Variants in CDC123 observed in about 807,000 individuals in gnomAD.
The protein encoded by CDC123 is cell division cycle 123, also known as translation initiation factor eIF2 assembly protein.
In CDC123, 37 loss-of-function variants were observed where a neutral mutation model predicts 54.4. That is an observed-to-expected ratio of 0.68 (90% CI 0.52 to 0.89). The LOEUF is 0.89. Among genes scored for constraint, CDC123 ranks in the 40% least tolerant of loss-of-function variants. CDC123 has a pLI of 0.00. For missense variants in CDC123, 361 were observed against 412.1 expected, an observed-to-expected ratio of 0.88 and a Z score of 1.07; for synonymous variants, 144 against 136.8, an observed-to-expected ratio of 1.05 and a Z score of -0.37.
intron 10 of CDC123, among the ~76,000 whole-genome samples, chr10:12,244,532 G>C (rs2131769593): frequency 6.6e-6 from 1 of 151,902 alleles, no homozygotes; most frequent in South Asian, 2.1e-4. Context: ...AGTGCCCCCA[G>C]CTCAAAGGTG....
intron 8 of CDC123, among the ~76,000 whole-genome samples, chr10:12,236,612 AG>A (rs1564257207): frequency 6.6e-6 from 1 of 150,742 alleles, no homozygotes; most frequent in African/African-American, 2.4e-5. Context: ...AAAAAAAAAA[AG>A]GCCAGGTGCG....
At chr10:12,219,927 A>T (rs542236474) in intron 6 of CDC123, among the ~76,000 whole-genome samples, 41 of 152,226 alleles carry the variant, frequency 2.7e-4, no homozygotes, top group African/African-American at 9.6e-4. Context: ...TCACCTCGTG[A>T]TCCGCCTGCC....
chr10:12,198,222 A>G (rs1485398641), intron 1 of CDC123, among the ~76,000 whole-genome samples: 4 of 152,218 alleles, frequency 2.6e-5, no homozygotes, highest in Non-Finnish European at 4.4e-5. Flanking sequence ...AGACACATCC[A>G]AAAGTATCAT....
At chr10:12,247,338 C>A (rs1836160737) in intron 11 of CDC123, 1 of 41,184 alleles carries the variant, frequency 2.4e-5, no homozygotes. Flanking sequence ...CTGTGTCCTC[C>A]TCTCTCACCT....
At chr10:12,248,766 A>G (rs1836194752) in intron 11 of CDC123, among the ~76,000 whole-genome samples, 1 of 151,168 alleles carries the variant, frequency 6.6e-6, no homozygotes, top group South Asian at 2.1e-4. Context: ...AGATTGCTCC[A>G]TTGCATCCAG....
At chr10:12,235,981 G>A (rs960115405) in intron 8 of CDC123, among the ~76,000 whole-genome samples, 5 of 152,198 alleles carry the variant, frequency 3.3e-5, no homozygotes, top group African/African-American at 1.2e-4. Flanking sequence ...TTGGAATCTT[G>A]TCAGCAAGTC....
chr10:12,203,493 T>G (rs780007719), intron 2 of CDC123, among the ~76,000 whole-genome samples: 1 of 152,170 alleles, frequency 6.6e-6, no homozygotes, highest in Non-Finnish European at 1.5e-5. Flanking sequence ...TGGAGTGATA[T>G]GTAGAGGATT....
intron 11 of CDC123, among the ~76,000 whole-genome samples, chr10:12,248,420 A>C (rs1274395867): frequency 6.7e-6 from 1 of 150,262 alleles, no homozygotes; most frequent in Non-Finnish European, 1.5e-5. Flanking sequence ...GAGGCAGGAG[A>C]ATTGCTTGAA....
At chr10:12,229,230 C>G (rs961066843) in intron 6 of CDC123, among the ~76,000 whole-genome samples, 4 of 152,122 alleles carry the variant, frequency 2.6e-5, no homozygotes, top group Non-Finnish European at 5.9e-5. Context: ...TTTTTTAAAC[C>G]CCTGGTACCT....
At chr10:12,242,725 T>C (rs1446964812) in intron 10 of CDC123, among the ~76,000 whole-genome samples, 2 of 152,112 alleles carry the variant, frequency 1.3e-5, no homozygotes, top group Non-Finnish European at 2.9e-5. Flanking sequence ...GCAGGTCACC[T>C]GAGATCAGGA....
At chr10:12,227,454 A>G (rs1181465040) in intron 6 of CDC123, among the ~76,000 whole-genome samples, 1 of 150,298 alleles carries the variant, frequency 6.7e-6, no homozygotes, top group Non-Finnish European at 1.5e-5. Context: ...TAAAATATTC[A>G]TTTGGCTCTA....
intron 6 of CDC123, among the ~76,000 whole-genome samples, chr10:12,230,298 T>C (rs1335094055): frequency 6.6e-6 from 1 of 152,052 alleles, no homozygotes; most frequent in East Asian, 1.9e-4. Flanking sequence ...TTTTAGGTGA[T>C]TCCCCTGCCT....
At chr10:12,229,001 C>T (rs1337646026) in intron 6 of CDC123, among the ~76,000 whole-genome samples, 1 of 152,240 alleles carries the variant, frequency 6.6e-6, no homozygotes, top group African/African-American at 2.4e-5. Flanking sequence ...AGGCGTGAGC[C>T]ACCGTGCCAG....
Position 12,250,427 on chromosome 10 carries a change from G to C in CDC123, c.*90G>C, listed in dbSNP as rs182914811. On this transcript the variant is annotated 3_prime_UTR_variant, in exon 13 of 13. Coordinates refer to ENST00000281141, the MANE Select transcript of CDC123 (RefSeq NM_006023.3). Reference sequence around the variant, plus strand: ...GCAACTTCCTGCCGACCCTGATGCGGGTGGGCCGAGCAGTGTGGACATCAG... The same window carrying C: ...GCAACTTCCTGCCGACCCTGATGCGCGTGGGCCGAGCAGTGTGGACATCAG... The C allele has an allele frequency of 2.5e-4, 247 of 979,594 alleles. No homozygotes were observed. The African/African-American group carries it at 3.5e-3, about 14-fold the overall frequency. 60.7% of individuals were successfully genotyped at this position (979,594 alleles called of 1,614,324 possible).
At chr10:12,242,519 C>T (rs1836072316) in intron 10 of CDC123, among the ~76,000 whole-genome samples, 1 of 152,190 alleles carries the variant, frequency 6.6e-6, no homozygotes. Context: ...TGTCTGGTCC[C>T]TAGAGCTTGA....
chr10:12,215,857 TCTTA>T, intron 5 of CDC123, 22 bp downstream of exon 5: 1 of 1,441,660 alleles, frequency 6.9e-7, no homozygotes, highest in South Asian at 1.2e-5. Context: ...TAAGTAATTC[TCTTA>T]CTGTTTGAAT....
At chr10:12,249,298 C>T (rs556035075) in intron 11 of CDC123, among the ~76,000 whole-genome samples, 485 of 152,190 alleles carry the variant, frequency 3.2e-3, no homozygotes, top group Non-Finnish European at 5.1e-3. Context: ...CTCAGCTGGG[C>T]GTGGTGGCGC....
intron 6 of CDC123, among the ~76,000 whole-genome samples, chr10:12,228,165 C>G (rs1460284069): frequency 2.6e-5 from 4 of 151,706 alleles, no homozygotes; most frequent in Non-Finnish European, 5.9e-5. Context: ...AAACTCCTGG[C>G]TTTAGGCAGT....
At chr10:12,244,010 A>G (rs533721879) in intron 10 of CDC123, among the ~76,000 whole-genome samples, 57 of 152,302 alleles carry the variant, frequency 3.7e-4, no homozygotes, top group African/African-American at 1.3e-3. Context: ...AGAAATTTGC[A>G]GGGCCTCTCC....
Sources: gnomAD v4.1 joint callset for allele counts (sites outside exome capture counted in the v4.1 genomes callset) on GRCh38, gnomAD v4.1.1 for gene constraint, MANE v1.5 for transcripts, NCBI Gene and HGNC (gene_info 2026-07-23, HGNC 2026-07-21) for gene names.